The following ALLC variants were observed in gnomAD, a reference collection of about 807,000 sequenced individuals.
ALLC encodes the protein allantoicase, also known as probable inactive allantoicase.
A neutral mutation model predicts 45.0 loss-of-function variants in ALLC; 40 were observed. The observed-to-expected ratio is 0.89, with a 90% CI of 0.69 to 1.16. The LOEUF is 1.16. Among genes scored for constraint, ALLC ranks in the 50% most tolerant of loss-of-function variants. The pLI, the probability that ALLC is intolerant of heterozygous loss-of-function variation, is 0.00. For missense variants in ALLC, 488 were observed against 493.1 expected (o/e 0.99, Z 0.10); for synonymous variants, 176 against 178.1 (o/e 0.99, Z 0.09).
intron 10 of ALLC, 90 bp from the exon 11 acceptor site, chr2:3,701,422 T>G: frequency 7.1e-7 from 1 of 1,414,896 alleles, no homozygotes; most frequent in Non-Finnish European, 9.4e-7. Flanking sequence ...TTTTGCTGGG[T>G]TTTTGATCTT....
At chr2:3,674,269 T>G in intron 3 of ALLC, 144 bp downstream of exon 3, 1 of 705,982 alleles carries the variant, frequency 1.4e-6, no homozygotes, top group East Asian at 2.7e-5. Flanking sequence ...TAGAAAGACA[T>G]GCAAATCAGC....
At chr2:3,682,834 A>G in intron 6 of ALLC, 108 bp from the exon 7 acceptor site, 6 of 1,231,174 alleles carry the variant, frequency 4.9e-6, no homozygotes, top group Non-Finnish European at 6.9e-6. Flanking sequence ...ATCCATCATT[A>G]ATTTTTATTC....
In ALLC at chr2:3,679,898, A is replaced by T. The variant is rs774325359; in HGVS notation, c.202A>T (p.Ile68Phe). The T allele has an allele frequency of 1.2e-6, 2 of 1,613,812 alleles. No individual in the cohort carries two copies. The highest frequency in any genetic ancestry group is 3.3e-5 in the Admixed American group (2 of 60,010). ...CGACTGGTGTGTCCTCAGGCTGGGG[A>T]TCCAAGGAGTCATCCGGGGCTTCGA... is the stretch of plus-strand genomic sequence containing the variant. ...GHDWCVLRLG[I>F]QGVIRGFDVD... Residue 68 changes from isoleucine to phenylalanine, a missense_variant, in exon 5 of 12, where the codon ATC becomes TTC. Transcript: ENST00000252505.
chr2:3,668,372 C>A (rs527889726), intron 1 of ALLC, among the ~76,000 whole-genome samples: 1 of 151,974 alleles, frequency 6.6e-6, no homozygotes, highest in African/African-American at 2.4e-5. Flanking sequence ...GTGAGGAGAG[C>A]AGCTTTCATT....
intron 1 of ALLC, 117 bp from the exon 2 acceptor site, chr2:3,670,979 C>G (rs1220680332): frequency 1.6e-6 from 1 of 633,492 alleles, no homozygotes; most frequent in Admixed American, 2.6e-5. Context: ...GACAGTACAT[C>G]CAGTTCTGTC....
rs1269126416 is a variant in ALLC at position 3,702,485 on chromosome 2, C to A, written c.1098C>A (p.Phe366Leu). The A allele has an allele frequency of 6.2e-7, 1 of 1,611,956 alleles. No individual in the cohort carries two copies. Among genetic ancestry groups the A allele is most frequent in the African/African-American group, 1.3e-5 (1 of 74,872 alleles). Residue 366 changes from phenylalanine to leucine, a missense_variant, in exon 12 of 12, where the codon TTC becomes TTA. Physicochemically the swap from Phe to Leu is conservative, Grantham distance 22 (BLOSUM62 0). Coordinates refer to ENST00000252505, the MANE Select transcript of ALLC (RefSeq NM_018436.4). ...TGAGCCGCCTTCGGCTCCGGGGCTT[C>A]CCCAGCTCCATCTGCCTCCTGAGGC... is the stretch of plus-strand genomic sequence containing the variant. ...GGVSRLRLRG[F>L]PSSICLLRPR...
chr2:3,677,477 G>A (rs1667053914), intron 3 of ALLC, among the ~76,000 whole-genome samples: 1 of 152,210 alleles, frequency 6.6e-6, no homozygotes, highest in Admixed American at 6.5e-5. Flanking sequence ...CATGTATAAT[G>A]CTAAATACTG....
At chr2:3,664,262 T>G (rs1460016274) in intron 1 of ALLC, among the ~76,000 whole-genome samples, 2 of 152,208 alleles carry the variant, frequency 1.3e-5, no homozygotes, top group African/African-American at 4.8e-5. Context: ...CAGAGGCCAA[T>G]GTGCCTTTGA....
chr2:3,692,785 G>GA (rs1184639754), intron 7 of ALLC, among the ~76,000 whole-genome samples: 2 of 152,156 alleles, frequency 1.3e-5, no homozygotes, highest in African/African-American at 4.8e-5. Flanking sequence ...CAGGGCTGGG[G>GA]ATGTCTCACC....
At chr2:3,697,266 C>A in intron 9 of ALLC, 82 bp from the exon 10 acceptor site, 5 of 1,021,176 alleles carry the variant, frequency 4.9e-6, no homozygotes, top group East Asian at 2.4e-5. Flanking sequence ...ACACGTCAAC[C>A]TTTTTCACCT....
Position 3,702,610 on chromosome 2 carries a change from C to A in ALLC, c.*47C>A. 2 of 1,483,888 alleles carry A rather than the reference C, an allele frequency of 1.3e-6. No individual in the cohort carries two copies. The highest frequency in any genetic ancestry group is 2.8e-5 in the South Asian group (2 of 71,142). The allele number at this position is 1,483,888 out of a possible 1,614,324, so 91.9% of individuals were successfully genotyped here. A position where few individuals can be genotyped will look rare whatever the true frequency, so the allele number is the denominator to read the frequency against. ...GGACACACAGCAGTAATTTCCCAGT[C>A]ATAGTCTTCTTTTCAAATGTTTTGA... is the stretch of plus-strand genomic sequence containing the variant. On this transcript the variant is annotated 3_prime_UTR_variant, in exon 12 of 12. Transcript: ENST00000252505.
At chr2:3,665,783 T>C (rs1243249416) in intron 1 of ALLC, among the ~76,000 whole-genome samples, 2 of 152,218 alleles carry the variant, frequency 1.3e-5, no homozygotes, top group African/African-American at 4.8e-5. Context: ...TATGCGTGCA[T>C]GTATCTTTAT....
At chr2:3,649,718 T>C in the ALLC span, among the ~76,000 whole-genome samples, 1 of 152,292 alleles carries the variant, frequency 6.6e-6, no homozygotes, top group East Asian at 1.9e-4. Context: ...GAGGACGCTG[T>C]CCCATCGCAG....
chr2:3,662,441 G>A (rs1666598872), intron 1 of ALLC, among the ~76,000 whole-genome samples: 1 of 152,200 alleles, frequency 6.6e-6, no homozygotes, highest in Non-Finnish European at 1.5e-5. Flanking sequence ...TTACGCCAAG[G>A]CCCTGCAGGC....
the ALLC span, among the ~76,000 whole-genome samples, chr2:3,652,430 G>C: frequency 1.3e-5 from 2 of 152,172 alleles, no homozygotes. Context: ...CTTTGTAGGC[G>C]TCCATGCCTT....
Position 3,702,568 on chromosome 2 carries a change from C to T in ALLC, c.*5C>T, listed in dbSNP as rs1397870362. 2 of 1,541,046 alleles carry T rather than the reference C, an allele frequency of 1.3e-6. No individual in the cohort carries two copies. The highest frequency in any genetic ancestry group is 8.7e-7 in the Non-Finnish European group (1 of 1,144,850). ...AGCTTCAAAGCAAACCCTTAACACA[C>T]ACAAAGCCCCGGTGTCGGACACACA... On this transcript the variant is annotated 3_prime_UTR_variant, in exon 12 of 12. Transcript: ENST00000252505.
At chr2:3,651,309 T>TG in the ALLC span, among the ~76,000 whole-genome samples, 8 of 11,610 alleles carry the variant, frequency 6.9e-4, 2 homozygotes, top group African/African-American at 2.1e-3. Context: ...GGTGGGTGGG[T>TG]GGGTGGGGGG....
chr2:3,685,104 ATTG>A (rs1225137324), intron 7 of ALLC, among the ~76,000 whole-genome samples: 3 of 152,208 alleles, frequency 2.0e-5, no homozygotes, highest in African/African-American at 4.8e-5. Context: ...GGATGAATCT[ATTG>A]TTGTTCTATT....
intron 3 of ALLC, among the ~76,000 whole-genome samples, chr2:3,677,595 G>A (rs1667058423): frequency 1.3e-5 from 2 of 152,214 alleles, no homozygotes; most frequent in African/African-American, 4.8e-5. Flanking sequence ...GGCACAGGAA[G>A]GTGGGTACCG....
Sources: allele counts gnomAD v4.1 joint callset (sites outside exome capture counted in the v4.1 genomes callset), GRCh38; gene constraint gnomAD v4.1.1; transcripts MANE v1.5; gene names NCBI Gene and HGNC (gene_info 2026-07-23, HGNC 2026-07-21).